HLCS: variants seen among roughly 807,000 people sequenced by gnomAD.
HLCS encodes the protein holocarboxylase synthetase.
In HLCS, 53 loss-of-function variants were observed where a neutral mutation model predicts 75.0. That is an observed-to-expected ratio of 0.71 (90% CI 0.57 to 0.89). The LOEUF is 0.89. HLCS is among the 40% of genes least tolerant of loss of function. The probability of loss-of-function intolerance (pLI) is 0.00; values close to 1 mark genes in which losing one functional copy is unlikely to be tolerated. For missense variants in HLCS, 966 were observed against 1,074.0 expected, an observed-to-expected ratio of 0.90 and a Z score of 1.41; for synonymous variants, 431 against 428.6, an observed-to-expected ratio of 1.01 and a Z score of -0.07.
At chr21:36,950,175 G>A (rs2067602477) in intron 2 of HLCS, among the ~76,000 whole-genome samples, 1 of 102,570 alleles carries the variant, frequency 9.7e-6, no homozygotes, top group Admixed American at 1.1e-4. Flanking sequence ...TGATCATTCT[G>A]CTTTAAAAAA....
At chr21:36,868,088 T>C (rs992342677) in intron 6 of HLCS, among the ~76,000 whole-genome samples, 8 of 151,544 alleles carry the variant, frequency 5.3e-5, no homozygotes, top group African/African-American at 1.9e-4. Flanking sequence ...AGGCAGAGGT[T>C]GTAATGAGCC....
chr21:36,850,130 C>G (rs1182251431), intron 6 of HLCS, among the ~76,000 whole-genome samples: 3 of 152,192 alleles, frequency 2.0e-5, no homozygotes, highest in African/African-American at 7.2e-5. Context: ...TTTCAGAAAA[C>G]ATTCTGTGTG....
intron 5 of HLCS, among the ~76,000 whole-genome samples, chr21:36,914,677 G>T (rs147640961): frequency 2.0e-5 from 3 of 152,216 alleles, no homozygotes; most frequent in Non-Finnish European, 4.4e-5. Flanking sequence ...CTGTAGAAGC[G>T]GAATCTATTC....
At chr21:36,932,167 T>C (rs979929708) in intron 4 of HLCS, among the ~76,000 whole-genome samples, 1 of 152,238 alleles carries the variant, frequency 6.6e-6, no homozygotes, top group Non-Finnish European at 1.5e-5. Context: ...ATCTTTGTTT[T>C]TATTAATCTT....
chr21:36,960,448 T>G (rs1218052070), intron 2 of HLCS, among the ~76,000 whole-genome samples: 1 of 152,066 alleles, frequency 6.6e-6, no homozygotes, highest in African/African-American at 2.4e-5. Context: ...AACGAAACAT[T>G]ACAAACCTTC....
chr21:36,812,497 T>C (rs1031856514), intron 6 of HLCS, among the ~76,000 whole-genome samples: 1 of 152,236 alleles, frequency 6.6e-6, no homozygotes, highest in African/African-American at 2.4e-5. Flanking sequence ...AATGTTAGTT[T>C]TAAAAATAAG....
At chr21:36,813,506 T>G (rs1330580065) in intron 6 of HLCS, among the ~76,000 whole-genome samples, 1 of 152,236 alleles carries the variant, frequency 6.6e-6, no homozygotes, top group East Asian at 1.9e-4. Flanking sequence ...ATGGTTCTAA[T>G]GCCATTTTGT....
At position 36,756,610 on chromosome 21, in the gene HLCS, C is replaced by T; in HGVS notation, c.2382G>A (p.Leu794=). The T allele has an allele frequency of 6.2e-7, 1 of 1,614,102 alleles. No homozygotes were observed. Among genetic ancestry groups the T allele is most frequent in the Non-Finnish European group, 8.5e-7 (1 of 1,180,018 alleles). The change falls in exon 10 of 11, where the codon CTG becomes CTA. Residue 794 remains leucine, a synonymous_variant. Transcript: ENST00000674895. ...GCCCTTTGTCCTGAAACTCTTTGATCAGTTTCTCCAGCACAGTCACGACTC... is the reference window on the plus strand; with the variant it reads ...GCCCTTTGTCCTGAAACTCTTTGATTAGTTTCTCCAGCACAGTCACGACTC... ...IARVVTVLEK[L]IKEFQDKGPN...
intron 1 of HLCS, among the ~76,000 whole-genome samples, chr21:36,966,017 C>G (rs1341143792): frequency 6.6e-6 from 1 of 152,206 alleles, no homozygotes; most frequent in Non-Finnish European, 1.5e-5. Context: ...TCCTAGGCCT[C>G]CCAGAGTGCA....
At chr21:36,978,841 C>G (rs2069018233) in intron 1 of HLCS, among the ~76,000 whole-genome samples, 1 of 152,224 alleles carries the variant, frequency 6.6e-6, no homozygotes, top group South Asian at 2.1e-4. Flanking sequence ...AGCACAGATG[C>G]ATCCTCTCCT....
chr21:36,953,009 C>T (rs926236909), intron 2 of HLCS, among the ~76,000 whole-genome samples: 1 of 152,156 alleles, frequency 6.6e-6, no homozygotes, highest in Non-Finnish European at 1.5e-5. Flanking sequence ...TTGCAGACTA[C>T]CCTGCACCTA....
intron 8 of HLCS, among the ~76,000 whole-genome samples, chr21:36,763,789 A>C (rs558353387): frequency 2.0e-5 from 3 of 152,338 alleles, no homozygotes; most frequent in Non-Finnish European, 4.4e-5. Flanking sequence ...AGTAGGGAAG[A>C]AAATGCTTCG....
At chr21:36,860,809 A>G (rs2063358409) in intron 6 of HLCS, among the ~76,000 whole-genome samples, 1 of 152,236 alleles carries the variant, frequency 6.6e-6, no homozygotes, top group Non-Finnish European at 1.5e-5. Context: ...TGTTAAAATA[A>G]ACGCCTCAGC....
intron 5 of HLCS, among the ~76,000 whole-genome samples, chr21:36,904,894 G>A (rs1392950286): frequency 6.6e-6 from 1 of 152,094 alleles, no homozygotes; most frequent in African/African-American, 2.4e-5. Flanking sequence ...GAAGAAAAAA[G>A]GTTTGGATCA....
intron 6 of HLCS, among the ~76,000 whole-genome samples, chr21:36,894,490 G>A (rs186949772): frequency 8.9e-4 from 135 of 152,180 alleles, no homozygotes; most frequent in Non-Finnish European, 1.4e-3. Context: ...GCCTCCCCGC[G>A]CCAGGAATTT....
chr21:36,947,401 C>T (rs2067455059), intron 2 of HLCS: 4 of 985,428 alleles, frequency 4.1e-6, no homozygotes, highest in Non-Finnish European at 2.4e-6. Flanking sequence ...CTTCAAGCAG[C>T]GCTGGGTGCT....
chr21:36,810,653 T>A (rs1042884051), intron 6 of HLCS, among the ~76,000 whole-genome samples: 1 of 152,132 alleles, frequency 6.6e-6, no homozygotes. Flanking sequence ...GGGATGGAGG[T>A]GGGAGGATCT....
intron 10 of HLCS, among the ~76,000 whole-genome samples, 165 bp from the exon 11 acceptor site, chr21:36,754,582 C>T (rs2089487434): frequency 6.6e-6 from 1 of 152,148 alleles, no homozygotes; most frequent in Non-Finnish European, 1.5e-5. Flanking sequence ...TTTCTTCCAC[C>T]CTGGTGAATG....
At chr21:36,763,469 G>A (rs1294065257) in intron 8 of HLCS, among the ~76,000 whole-genome samples, 2 of 152,218 alleles carry the variant, frequency 1.3e-5, no homozygotes, top group Admixed American at 6.5e-5. Flanking sequence ...GCGATGTGAT[G>A]TAATACAGGA....
Sources: gnomAD v4.1 joint callset for allele counts (sites outside exome capture counted in the v4.1 genomes callset) on GRCh38, gnomAD v4.1.1 for gene constraint, MANE v1.5 for transcripts, NCBI Gene and HGNC (gene_info 2026-07-23, HGNC 2026-07-21) for gene names.